Variants in GCAT observed in about 807,000 individuals in gnomAD.
The protein encoded by GCAT is 2-amino-3-ketobutyrate coenzyme A ligase, mitochondrial.
In GCAT, 26 loss-of-function variants were observed where a neutral mutation model predicts 39.7. That is an observed-to-expected ratio of 0.65 (90% CI 0.48 to 0.91). GCAT has a LOEUF of 0.91. Ranked by LOEUF, GCAT falls within the 40% of genes least tolerant of loss-of-function variation. The pLI, the probability that GCAT is intolerant of heterozygous loss-of-function variation, is 0.00. For missense variants in GCAT, 550 were observed against 576.2 expected, an observed-to-expected ratio of 0.95 and a Z score of 0.47; for synonymous variants, 218 against 237.2, an observed-to-expected ratio of 0.92 and a Z score of 0.74.
chr22:37,816,274 G>T lies in GCAT; in HGVS notation c.1061G>T (p.Gly354Val). 1.2e-6 allele frequency: 2 copies of T among 1,613,224 alleles called. No homozygotes were observed. Among genetic ancestry groups the T allele is most frequent in the Non-Finnish European group, 8.5e-7 (1 of 1,180,032 alleles). ...CACCCCATCTGCCCTGTGATGCTGG[G>T]TGATGCCCGGCTGGCCTCTCGCATG... ...ASHPICPVML[G>V]DARLASRMAD... The change falls in exon 8 of 9, where the codon GGT (glycine) becomes GTT (valine). Residue 354 changes from glycine (G) to valine (V), a missense_variant. Gly to Val is a moderately radical substitution (Grantham distance 109). This residue lies in a region of GCAT where 378 missense variants were observed against 390.4 expected (regional missense o/e 0.97). Coordinates refer to ENST00000248924, the MANE Select transcript of GCAT (RefSeq NM_014291.4).
intron 3 of GCAT, 102 bp from the exon 4 acceptor site, chr22:37,813,361 C>A: frequency 7.8e-7 from 1 of 1,285,854 alleles, no homozygotes; most frequent in Non-Finnish European, 1.1e-6. Flanking sequence ...CCCAGAGGAG[C>A]GCCCTGGCTG....
intron 1 of GCAT, 173 bp from the exon 2 acceptor site, chr22:37,809,854 G>T (rs1921373506): frequency 1.3e-6 from 1 of 770,720 alleles, no homozygotes; most frequent in Non-Finnish European, 2.2e-6. Flanking sequence ...TGCTCTTCAA[G>T]ATGTGTAGCA....
Position 37,816,736 on chromosome 22 carries a change from G to A in GCAT, c.*18G>A. The A allele has an allele frequency of 6.2e-7, 1 of 1,613,276 alleles. No individual in the cohort carries two copies. The highest frequency in any genetic ancestry group is 2.2e-5 in the East Asian group (1 of 44,876). ...TGCCCTGAGCTCTGGGTAAGGACGA[G>A]AAGAGCCAAGGTCCGCCTACTGCCA... On this transcript the variant is annotated 3_prime_UTR_variant, in exon 9 of 9. Coordinates refer to ENST00000248924, the MANE Select transcript of GCAT (RefSeq NM_014291.4).
At chr22:37,816,388 T>G in intron 8 of GCAT, 67 bp downstream of exon 8, 2 of 1,580,400 alleles carry the variant, frequency 1.3e-6, no homozygotes, top group Non-Finnish European at 1.7e-6. Context: ...ACCCCTAGAC[T>G]GTGACCCAGC....
chr22:37,813,805 G>A (rs770341923), intron 4 of GCAT, among the ~76,000 whole-genome samples, 196 bp downstream of exon 4: 5 of 151,414 alleles, frequency 3.3e-5, no homozygotes, highest in East Asian at 1.9e-4. Context: ...TCACTCTGTC[G>A]CCAAGGCTGG....
chr22:37,816,354 G>A (rs1922196750), intron 8 of GCAT, 33 bp downstream of exon 8: 1 of 1,603,240 alleles, frequency 6.2e-7, no homozygotes, highest in Admixed American at 1.7e-5. Context: ...ACTGGTGGTG[G>A]GTCCTGAGAG....
Position 37,813,476 on chromosome 22 carries a change from C to A in GCAT, c.443C>A (p.Pro148Gln). 6.2e-7 allele frequency: 1 copy of A among 1,602,538 alleles called. No homozygotes were observed. ...NAGLFEALLTPEDAVLSDELN... is the reference protein window; with the variant it reads ...NAGLFEALLTQEDAVLSDELN... ...GCCTCCCTCCAGGCCCTGCTGACCCCAGAGGACGCAGTCCTGTCGGACGAG... is the reference window on the plus strand; with the variant it reads ...GCCTCCCTCCAGGCCCTGCTGACCCAAGAGGACGCAGTCCTGTCGGACGAG... The change falls in exon 4 of 9, where the codon CCA (proline) becomes CAA (glutamine). Residue 148 changes from proline (P) to glutamine (Q), a missense_variant. By Grantham distance (76) the Pro-to-Gln change is moderately conservative. Transcript: ENST00000248924.
intron 2 of GCAT, among the ~76,000 whole-genome samples, chr22:37,811,748 A>T (rs1392581305): frequency 2.0e-5 from 3 of 151,240 alleles, no homozygotes; most frequent in African/African-American, 7.3e-5. Flanking sequence ...ACATGGTGAA[A>T]CCCTGTCTGT....
chr22:37,812,963 A>AT lies in GCAT; in HGVS notation c.405dup (p.Asp136Ter). The AT allele has an allele frequency of 6.2e-7, 1 of 1,613,604 alleles. No individual in the cohort carries two copies. The highest frequency in any genetic ancestry group is 1.1e-5 in the South Asian group (1 of 91,066). On this transcript the variant is annotated frameshift_variant, in exon 3 of 9. Coordinates refer to ENST00000248924, the MANE Select transcript of GCAT (RefSeq NM_014291.4). LOFTEE classifies it high-confidence loss of function. ...GATGCCATCCTCTATCCCAGCTGTT[A>AT]TGACGCCAACGCCGGCCTCTTTGAG...
Position 37,816,278 on chromosome 22 carries a change from TGCCCGGCTG to T in GCAT, c.1069_1077del (p.Arg357_Ala359del). ...CCATCTGCCCTGTGATGCTGGGTGATGCCCGGCTGGCCTCTCGCATGGCGGATGACATGC... is the reference window on the plus strand; with the variant it reads ...CCATCTGCCCTGTGATGCTGGGTGATGCCTCTCGCATGGCGGATGACATGC... On this transcript the variant is annotated inframe_deletion, in exon 8 of 9. Transcript: ENST00000248924. 1 of 1,613,154 alleles carries T rather than the reference TGCCCGGCTG, an allele frequency of 6.2e-7. No individual in the cohort carries two copies. The highest frequency in any genetic ancestry group is 8.5e-7 in the Non-Finnish European group (1 of 1,180,002).
At position 37,816,687 on chromosome 22, in the gene GCAT, A is replaced by T; in HGVS notation, c.1229A>T (p.Glu410Val). ...GACCGCTGCGTGGAGGCCTTCGTGG[A>T]AGTGGGGCGACTGCACGGGGCACTG... ...DIDRCVEAFV[E>V]VGRLHGALP is the part of the protein sequence containing the mutation. Residue 410 changes from glutamate to valine, a missense_variant, in exon 9 of 9, where the codon GAA becomes GTA. By Grantham distance (121) the Glu-to-Val change is moderately radical. Transcript: ENST00000248924. 3.7e-6 allele frequency: 6 copies of T among 1,614,034 alleles called. No individual in the cohort carries two copies. The highest frequency in any genetic ancestry group is 5.1e-6 in the Non-Finnish European group (6 of 1,180,024).
At chr22:37,814,256 C>T (rs1383559532) in intron 4 of GCAT, among the ~76,000 whole-genome samples, 1 of 152,052 alleles carries the variant, frequency 6.6e-6, no homozygotes, top group Non-Finnish European at 1.5e-5. Flanking sequence ...GCCCACCACA[C>T]CCAGTTTTTT....
intron 3 of GCAT, 194 bp from the exon 4 acceptor site, chr22:37,813,269 C>T: frequency 4.2e-6 from 3 of 721,178 alleles, no homozygotes; most frequent in Admixed American, 4.1e-5. Flanking sequence ...CTCACCTCCT[C>T]TTACTAGAGC....
Position 37,815,873 on chromosome 22 carries a change from C to G in GCAT, c.986+39C>G, listed in dbSNP as rs779582699. On this transcript the variant is annotated intron_variant, in intron 7 of 8. Coordinates refer to ENST00000248924, the MANE Select transcript of GCAT (RefSeq NM_014291.4). ...CAGGGCAGGCTCGGGGGCGGAGAGA[C>G]GTGGTGAGAGCCAGCCTCATGTGTC... 5.8e-5 allele frequency: 94 copies of G among 1,607,052 alleles called. No homozygotes were observed. The Middle Eastern group carries it at 1.4e-3, about 24-fold the overall frequency.
In GCAT at chr22:37,816,703, C is replaced by A. The variant is rs145292389; in HGVS notation, c.1245C>A (p.His415Gln). The A allele has an allele frequency of 1.7e-5, 28 of 1,613,954 alleles. No homozygotes were observed. The highest frequency in any genetic ancestry group is 2.2e-5 in the Non-Finnish European group (26 of 1,180,004). Residue 415 changes from histidine to glutamine, a missense_variant, in exon 9 of 9, where the codon CAC becomes CAA. Coordinates refer to ENST00000248924, the MANE Select transcript of GCAT (RefSeq NM_014291.4). ...VEAFVEVGRLHGALP is the reference protein window; with the variant it reads ...VEAFVEVGRLQGALP The stretch of plus-strand genomic sequence containing the variant: ...CCTTCGTGGAAGTGGGGCGACTGCA[C>A]GGGGCACTGCCCTGAGCTCTGGGTA...
At chr22:37,814,601 T>A (rs540222432) in intron 4 of GCAT, among the ~76,000 whole-genome samples, 4 of 151,892 alleles carry the variant, frequency 2.6e-5, no homozygotes, top group Non-Finnish European at 5.9e-5. Context: ...ACTATAATGC[T>A]CAGGCTAGTC....
At chr22:37,810,499 C>T (rs1194037680) in intron 2 of GCAT, among the ~76,000 whole-genome samples, 1 of 150,036 alleles carries the variant, frequency 6.7e-6, no homozygotes, top group Non-Finnish European at 1.5e-5. Flanking sequence ...AGGCATGCTA[C>T]CACACCCAGC....
intron 3 of GCAT, chr22:37,813,234 G>C (rs1393658416): frequency 4.5e-6 from 3 of 667,630 alleles, no homozygotes; most frequent in Non-Finnish European, 8.2e-6. Flanking sequence ...GGGGAGGCGG[G>C]GGCCTGGTAC....
intron 4 of GCAT, among the ~76,000 whole-genome samples, chr22:37,813,951 A>G (rs1171475750): frequency 1.3e-5 from 2 of 151,946 alleles, no homozygotes; most frequent in African/African-American, 4.8e-5. Context: ...TTTTTAGTAA[A>G]GACGGGGTTT....
Sources: allele counts gnomAD v4.1 joint callset (sites outside exome capture counted in the v4.1 genomes callset), GRCh38; gene constraint gnomAD v4.1.1; regional missense constraint gnomAD v4.1.1; transcripts MANE v1.5; gene names NCBI Gene and HGNC (gene_info 2026-07-23, HGNC 2026-07-21).